IQUB: variants seen among roughly 807,000 people sequenced by gnomAD.
IQUB encodes IQ motif and ubiquitin domain containing.
A neutral mutation model predicts 86.4 loss-of-function variants in IQUB; 86 were observed. The ratio of observed to expected loss-of-function variants is 1.00; its 90% CI spans 0.84 to 1.19. IQUB has a LOEUF of 1.19. IQUB is among the 50% of genes most tolerant of loss of function. The pLI is 0.00. For missense variants in IQUB, 946 were observed against 916.9 expected (o/e 1.03, Z -0.41); for synonymous variants, 289 against 304.5 (o/e 0.95, Z 0.53).
intron 7 of IQUB, among the ~76,000 whole-genome samples, chr7:123,481,683 G>C (rs1795010038): frequency 6.6e-6 from 1 of 152,036 alleles, no homozygotes; most frequent in East Asian, 1.9e-4. Context: ...AAGCAACTTG[G>C]AACTAGAGAA....
chr7:123,510,969 A>T (rs1225614873), intron 2 of IQUB, among the ~76,000 whole-genome samples: 2 of 152,132 alleles, frequency 1.3e-5, no homozygotes, highest in Non-Finnish European at 1.5e-5. Context: ...ACATTTTTTT[A>T]AAAATCACTA....
chr7:123,489,072 A>G (rs1049292345), intron 7 of IQUB, among the ~76,000 whole-genome samples: 2 of 152,190 alleles, frequency 1.3e-5, no homozygotes, highest in African/African-American at 4.8e-5. Flanking sequence ...TAACAGGCAC[A>G]ATTTATATAT....
In IQUB at chr7:123,502,647, G is replaced by C. The variant is rs1170645945; in HGVS notation, c.973C>G (p.Pro325Ala). The C allele has an allele frequency of 6.2e-7, 1 of 1,612,876 alleles. No individual in the cohort carries two copies. Among genetic ancestry groups the C allele is most frequent in the South Asian group, 1.1e-5 (1 of 90,800 alleles). The change falls in exon 6 of 13, where the codon CCA (proline) becomes GCA (alanine). Residue 325 changes from proline (P) to alanine (A), a missense_variant. Physicochemically the swap from Pro to Ala is conservative, Grantham distance 27. Transcript: ENST00000324698. ...VSNMTDKLVT[P>A]GKYFSAAEYH... ...TCTGCTGCTGAAAAATACTTTCCTG[G>C]TGTTACCAGTTTATCAGTCATATTT...
At chr7:123,513,418 A>G (rs368834476) in intron 1 of IQUB, among the ~76,000 whole-genome samples, 5 of 152,198 alleles carry the variant, frequency 3.3e-5, no homozygotes, top group African/African-American at 1.2e-4. Context: ...TGGAAAAGAA[A>G]GCCTAGCATG....
intron 1 of IQUB, among the ~76,000 whole-genome samples, chr7:123,526,595 T>C (rs1430331502): frequency 2.0e-5 from 3 of 151,488 alleles, no homozygotes; most frequent in African/African-American, 7.3e-5. Flanking sequence ...TGTGTGTCTC[T>C]GCACGTGAGA....
intron 1 of IQUB, among the ~76,000 whole-genome samples, chr7:123,518,750 C>T (rs767983676): frequency 2.0e-5 from 3 of 151,998 alleles, no homozygotes; most frequent in Non-Finnish European, 4.4e-5. Context: ...CCCACCACCA[C>T]GCCTGGCTAA....
chr7:123,528,280 G>A (rs1001627683), intron 1 of IQUB, among the ~76,000 whole-genome samples: 5 of 152,294 alleles, frequency 3.3e-5, no homozygotes, highest in East Asian at 3.9e-4. Flanking sequence ...CGTCTTCTGC[G>A]TCGCTCACGC....
chr7:123,507,338 G>T (rs1032123867), intron 3 of IQUB, among the ~76,000 whole-genome samples: 4 of 152,172 alleles, frequency 2.6e-5, no homozygotes, highest in Non-Finnish European at 4.4e-5. Flanking sequence ...AAATGATTTT[G>T]CCCAACTGTA....
Position 123,512,276 on chromosome 7 carries a change from T to C in IQUB, c.65A>G (p.Asp22Gly). The C allele has an allele frequency of 6.2e-7, 1 of 1,611,140 alleles. No homozygotes were observed. The highest frequency in any genetic ancestry group is 1.1e-5 in the South Asian group (1 of 90,988). The change falls in exon 2 of 13, where the codon GAT becomes GGT. Residue 22 changes from aspartate (D) to glycine (G), a missense_variant. Transcript: ENST00000324698. ...NIVNSTEESDDAFDTVTIPVP... is the reference protein window; with the variant it reads ...NIVNSTEESDGAFDTVTIPVP... The stretch of plus-strand genomic sequence containing the variant: ...TGGAATAGTGACAGTATCAAAAGCA[T>C]CATCACTCTCTTCTGTTGAATTGAC...
intron 1 of IQUB, among the ~76,000 whole-genome samples, chr7:123,514,838 G>C (rs928845785): frequency 2.0e-5 from 3 of 152,104 alleles, no homozygotes. Flanking sequence ...TTATAAGTGA[G>C]AACATGTGAT....
intron 1 of IQUB, among the ~76,000 whole-genome samples, chr7:123,528,409 A>C (rs1344006154): frequency 6.6e-6 from 1 of 152,254 alleles, no homozygotes; most frequent in African/African-American, 2.4e-5. Flanking sequence ...TAATTCTCAC[A>C]GATGATATCA....
chr7:123,524,912 T>G (rs1203961150), intron 1 of IQUB, among the ~76,000 whole-genome samples: 13 of 150,142 alleles, frequency 8.7e-5, no homozygotes, highest in African/African-American at 2.4e-4. Context: ...TAGCATGAAG[T>G]GTTGTTGAAT....
At chr7:123,454,096 T>G (rs571872133) in intron 12 of IQUB, among the ~76,000 whole-genome samples, 1 of 152,196 alleles carries the variant, frequency 6.6e-6, no homozygotes, top group East Asian at 1.9e-4. Flanking sequence ...TATAGGAGTA[T>G]CCTGGGCTTA....
Position 123,452,728 on chromosome 7 carries a change from A to G in IQUB, c.*15T>C, listed in dbSNP as rs1793478703. On this transcript the variant is annotated 3_prime_UTR_variant, in exon 13 of 13. Transcript: ENST00000324698. ...GAACAAAATGCCGATCATCAAACAA[A>G]TACTCCTGGATCACCTAATGAGGAG... 2.5e-6 allele frequency: 4 copies of G among 1,593,704 alleles called. No homozygotes were observed. The highest frequency in any genetic ancestry group is 2.7e-5 in the African/African-American group (2 of 74,208).
At position 123,512,297 on chromosome 7, in the gene IQUB, T is replaced by A. The variant is rs759862804; in HGVS notation, c.44A>T (p.Asn15Ile). Residue 15 changes from asparagine (N) to isoleucine (I), a missense_variant, in exon 2 of 13, where the codon AAT (asparagine) becomes ATT (isoleucine). Transcript: ENST00000324698. ...AGCATCATCACTCTCTTCTGTTGAATTGACTATATTCTGAGCTTCATACTT... is the reference window on the plus strand; with the variant it reads ...AGCATCATCACTCTCTTCTGTTGAAATGACTATATTCTGAGCTTCATACTT... Reference protein sequence around the residue: ...QEKYEAQNIVNSTEESDDAFD... With the variant: ...QEKYEAQNIVISTEESDDAFD... 1.2e-6 allele frequency: 2 copies of A among 1,606,432 alleles called. No individual in the cohort carries two copies. The highest frequency in any genetic ancestry group is 1.7e-6 in the Non-Finnish European group (2 of 1,174,066).
At chr7:123,508,124 A>C (rs1316397492) in intron 3 of IQUB, among the ~76,000 whole-genome samples, 2 of 152,202 alleles carry the variant, frequency 1.3e-5, no homozygotes, top group African/African-American at 4.8e-5. Flanking sequence ...GGAGAAGGCC[A>C]TATGACAGAA....
intron 1 of IQUB, among the ~76,000 whole-genome samples, chr7:123,521,833 G>C (rs1385989611): frequency 6.6e-6 from 1 of 152,174 alleles, no homozygotes; most frequent in East Asian, 1.9e-4. Context: ...CTGTGTTTAT[G>C]ATGGTTAGCA....
At position 123,509,683 on chromosome 7, in the gene IQUB, AG is replaced by A. The variant is rs976948489; in HGVS notation, c.532+217del. Among the ~76,000 whole-genome samples the A allele has an allele frequency of 3.3e-5, 5 of 152,224 alleles. No homozygotes were observed. The East Asian group carries it at 7.7e-4, about 23-fold the overall frequency. On this transcript the variant is annotated intron_variant, in intron 3 of 12. Coordinates refer to ENST00000324698, the MANE Select transcript of IQUB (RefSeq NM_178827.5). ...ACTAATCTGTAAACAATTTCAGAAC[AG>A]GAATCTTACTTCACATTTCTCTGTA...
intron 7 of IQUB, among the ~76,000 whole-genome samples, chr7:123,482,073 T>TG (rs1001508386): frequency 1.5e-4 from 23 of 151,604 alleles, no homozygotes; most frequent in African/African-American, 5.6e-4. Flanking sequence ...AACATAAAAC[T>TG]GGGGGGGAGA....
Sources: allele counts gnomAD v4.1 joint callset (sites outside exome capture counted in the v4.1 genomes callset), GRCh38; gene constraint gnomAD v4.1.1; transcripts MANE v1.5; gene names NCBI Gene and HGNC (gene_info 2026-07-23, HGNC 2026-07-21).